DPH6: variants seen among roughly 807,000 people sequenced by gnomAD.
DPH6 encodes the protein diphthamine biosynthesis 6.
Under a neutral mutation model 38.2 loss-of-function variants are expected in DPH6, and 33 were observed. That is an observed-to-expected ratio of 0.86 (90% CI 0.65 to 1.15). The LOEUF (loss-of-function observed/expected upper bound fraction) is 1.15, where lower values mean the gene tolerates loss of function less well. DPH6 is among the 50% of genes most tolerant of loss of function. The probability of loss-of-function intolerance (pLI) is 0.00; values close to 1 mark genes in which losing one functional copy is unlikely to be tolerated. For missense variants in DPH6, 325 were observed against 320.0 expected (o/e 1.02, Z -0.12); for synonymous variants, 108 against 103.0 (o/e 1.05, Z -0.30).
Position 35,410,908 on chromosome 15 carries a change from G to T in DPH6, c.506-12C>A, listed in dbSNP as rs1490659821. 6.3e-7 allele frequency: 1 copy of T among 1,598,756 alleles called. No homozygotes were observed. ...ATCAGGATCTAAACCTGCCAAGAAA[G>T]GTTACATTTTTTAAAGATAACTATC... On this transcript the variant is annotated splice_polypyrimidine_tract_variant and intron_variant, in intron 5 of 8. Coordinates refer to ENST00000256538, the MANE Select transcript of DPH6 (RefSeq NM_080650.4).
intron 3 of DPH6, among the ~76,000 whole-genome samples, chr15:35,311,342 T>C (rs1436008867): frequency 1.3e-5 from 2 of 152,206 alleles, no homozygotes; most frequent in African/African-American, 2.4e-5. Flanking sequence ...CTGCTTTTTT[T>C]CCTCTACATC....
chr15:35,357,600 T>C (rs2052575871), intron 3 of DPH6, among the ~76,000 whole-genome samples: 1 of 152,216 alleles, frequency 6.6e-6, no homozygotes, highest in African/African-American at 2.4e-5. Context: ...TGTCAGCATT[T>C]GTTTGTCTGA....
At chr15:35,155,012 T>C in the DPH6 span, among the ~76,000 whole-genome samples, 1 of 152,138 alleles carries the variant, frequency 6.6e-6, no homozygotes, top group Non-Finnish European at 1.5e-5. Flanking sequence ...AAATGTAACG[T>C]TTTACAACTG....
intron 3 of DPH6, among the ~76,000 whole-genome samples, chr15:35,518,800 C>A (rs964773274): frequency 6.6e-6 from 1 of 151,962 alleles, no homozygotes; most frequent in Non-Finnish European, 1.5e-5. Context: ...TACTTTCCCA[C>A]TGTGGTTTTG....
At chr15:35,376,243 A>G (rs1019902678) in intron 7 of DPH6, among the ~76,000 whole-genome samples, 1 of 152,150 alleles carries the variant, frequency 6.6e-6, no homozygotes, top group Non-Finnish European at 1.5e-5. Context: ...CCTAATATTC[A>G]TTAGATATTT....
At chr15:35,543,960 T>G (rs2055303568) in intron 1 of DPH6, among the ~76,000 whole-genome samples, 1 of 152,280 alleles carries the variant, frequency 6.6e-6, no homozygotes, top group African/African-American at 2.4e-5. Flanking sequence ...TCAAATATGG[T>G]TTTAAGCAGT....
chr15:35,294,553 T>C (rs1188306162), intron 3 of DPH6, among the ~76,000 whole-genome samples: 1 of 151,112 alleles, frequency 6.6e-6, no homozygotes, highest in Non-Finnish European at 1.5e-5. Context: ...TAGTCTCCTT[T>C]GCCGTTTTTT....
At chr15:35,461,489 A>G (rs891093064) in intron 3 of DPH6, among the ~76,000 whole-genome samples, 5 of 152,216 alleles carry the variant, frequency 3.3e-5, no homozygotes, top group East Asian at 1.9e-4. Context: ...AGTGCATGGG[A>G]GTATGCATGC....
intron 5 of DPH6, among the ~76,000 whole-genome samples, chr15:35,448,721 C>T (rs2053888721): frequency 6.6e-6 from 1 of 151,928 alleles, no homozygotes; most frequent in South Asian, 2.1e-4. Flanking sequence ...GAACACTATA[C>T]TACAATAAAA....
chr15:35,354,292 C>A (rs1459886442), intron 3 of DPH6, among the ~76,000 whole-genome samples: 1 of 152,086 alleles, frequency 6.6e-6, no homozygotes, highest in Non-Finnish European at 1.5e-5. Context: ...TGCCTGATTG[C>A]CCTGGCCAGA....
chr15:35,452,910 A>G (rs1213699682), intron 4 of DPH6, among the ~76,000 whole-genome samples: 2 of 152,212 alleles, frequency 1.3e-5, no homozygotes, highest in Non-Finnish European at 2.9e-5. Flanking sequence ...GATTTTGAGG[A>G]ATTTCAAAGC....
chr15:35,501,051 T>C (rs1301336084), intron 3 of DPH6, among the ~76,000 whole-genome samples: 1 of 152,170 alleles, frequency 6.6e-6, no homozygotes, highest in African/African-American at 2.4e-5. Flanking sequence ...AATAATTAAT[T>C]TTTAACATTA....
At chr15:35,531,930 C>A (rs2055093884) in intron 3 of DPH6, among the ~76,000 whole-genome samples, 1 of 152,056 alleles carries the variant, frequency 6.6e-6, no homozygotes, top group African/African-American at 2.4e-5. Flanking sequence ...AAAGCGACAG[C>A]CACAAAAACA....
intron 3 of DPH6, among the ~76,000 whole-genome samples, chr15:35,491,870 GTA>G: frequency 6.6e-6 from 1 of 150,614 alleles, no homozygotes; most frequent in Non-Finnish European, 1.5e-5. Flanking sequence ...ATATGTGTGT[GTA>G]TATATATACA....
intron 3 of DPH6, among the ~76,000 whole-genome samples, chr15:35,525,518 G>A (rs886295569): frequency 1.3e-5 from 2 of 152,036 alleles, no homozygotes; most frequent in African/African-American, 4.8e-5. Context: ...CAAGCTCAGG[G>A]GACAACTAAT....
At chr15:35,320,370 T>C (rs1466110098) in intron 3 of DPH6, among the ~76,000 whole-genome samples, 1 of 152,186 alleles carries the variant, frequency 6.6e-6, no homozygotes, top group Non-Finnish European at 1.5e-5. Flanking sequence ...CTGGCTTATA[T>C]GGTTGGATAT....
At chr15:35,388,912 T>C (rs2053012264) in intron 6 of DPH6, among the ~76,000 whole-genome samples, 1 of 152,220 alleles carries the variant, frequency 6.6e-6, no homozygotes, top group Non-Finnish European at 1.5e-5. Context: ...CTTGCTTCTC[T>C]AGTTCTTTTA....
chr15:35,465,087 G>A (rs1215120035), intron 3 of DPH6, among the ~76,000 whole-genome samples: 1 of 152,222 alleles, frequency 6.6e-6, no homozygotes. Flanking sequence ...GAGCCAACAA[G>A]GTAAATTGAA....
At chr15:35,198,376 T>C in the DPH6 span, among the ~76,000 whole-genome samples, 1 of 152,202 alleles carries the variant, frequency 6.6e-6, no homozygotes, top group South Asian at 2.1e-4. Flanking sequence ...ACTATCTATA[T>C]GCATGAAGCT....
Sources: gnomAD v4.1 joint callset for allele counts (sites outside exome capture counted in the v4.1 genomes callset) on GRCh38, gnomAD v4.1.1 for gene constraint, MANE v1.5 for transcripts, NCBI Gene and HGNC (gene_info 2026-07-23, HGNC 2026-07-21) for gene names.